LZTS1: variants seen among roughly 807,000 people sequenced by gnomAD.
The protein encoded by LZTS1 is leucine zipper tumor suppressor 1.
Under a neutral mutation model 45.8 loss-of-function variants are expected in LZTS1, and 31 were observed. That is an observed-to-expected ratio of 0.68 (90% CI 0.51 to 0.91). LZTS1 has a LOEUF of 0.91. Among genes scored for constraint, LZTS1 ranks in the 40% least tolerant of loss-of-function variants. The pLI is 0.00. For synonymous variants in LZTS1, 359 were observed against 357.3 expected (o/e 1.00, Z -0.05); for missense variants, 821 against 788.9 (o/e 1.04, Z -0.49).
chr8:20,253,105 C>T lies in LZTS1; in HGVS notation c.826G>A (p.Ala276Thr), dbSNP rs150380039. The part of the protein sequence containing the change: ...LEQKLLEREG[A>T]LQKLQRSFEE... ...AAGCTGCGCTGCAGCTTCTGGAGGG[C>T]GCCCTCCCTCTCCAACAGCTTCTGC... The change falls in exon 3 of 4, where the codon GCC becomes ACC. Residue 276 changes from alanine to threonine, a missense_variant. Ala to Thr is a moderately conservative substitution (Grantham distance 58, BLOSUM62 0). Transcript: ENST00000381569. The T allele has an allele frequency of 2.5e-5, 40 of 1,610,654 alleles. No homozygotes were observed. The highest frequency in any genetic ancestry group is 8.0e-5 in the African/African-American group (6 of 74,910).
rs1461904736 is a variant in LZTS1 at position 20,251,124 on chromosome 8, TATATATATATATATATATATATATAA to T, written c.1150-787_1150-762del. On this transcript the variant is annotated intron_variant, in intron 3 of 3. Coordinates refer to ENST00000381569, the MANE Select transcript of LZTS1 (RefSeq NM_021020.5). ...ATATATATATATATATATATATATA[TATATATATATATATATATATATATAA>T]AATATAAAGTATAAGAGTAGAGATT... 1.4e-3 allele frequency among the ~76,000 whole-genome samples: 43 copies of T among 29,988 alleles called. 2 individuals are homozygous for T. Among genetic ancestry groups the T allele is most frequent in the South Asian group, 7.9e-3 (7 of 884 alleles). 19.7% of individuals were successfully genotyped at this position (29,988 alleles called of 152,430 possible).
chr8:20,281,988 C>G (rs1800701886), intron 1 of LZTS1, among the ~76,000 whole-genome samples: 1 of 152,148 alleles, frequency 6.6e-6, no homozygotes, highest in Non-Finnish European at 1.5e-5. Context: ...CTGGCCACCC[C>G]CTGACCTTCA....
chr8:20,291,971 T>C (rs1472499870), intron 1 of LZTS1, among the ~76,000 whole-genome samples: 1 of 152,118 alleles, frequency 6.6e-6, no homozygotes, highest in African/African-American at 2.4e-5. Flanking sequence ...CAGGTGAGGG[T>C]GAGTTCCTCT....
intron 1 of LZTS1, among the ~76,000 whole-genome samples, chr8:20,267,454 C>A (rs955598576): frequency 3.9e-5 from 6 of 152,172 alleles, no homozygotes; most frequent in Non-Finnish European, 5.9e-5. Context: ...ATGTGGCCAG[C>A]ACAGTTGTAG....
At chr8:20,269,433 C>A (rs1464975236) in intron 1 of LZTS1, among the ~76,000 whole-genome samples, 2 of 152,194 alleles carry the variant, frequency 1.3e-5, no homozygotes, top group Non-Finnish European at 2.9e-5. Flanking sequence ...CCCCTGCCTG[C>A]CAGATTTTTA....
At chr8:20,274,577 C>G (rs1012794711) in intron 1 of LZTS1, among the ~76,000 whole-genome samples, 1 of 152,160 alleles carries the variant, frequency 6.6e-6, no homozygotes, top group Non-Finnish European at 1.5e-5. Context: ...TTAGACCCCC[C>G]TTATGTGGAG....
At chr8:20,301,076 G>A (rs1356199175) in intron 1 of LZTS1, among the ~76,000 whole-genome samples, 5 of 141,552 alleles carry the variant, frequency 3.5e-5, no homozygotes, top group Middle Eastern at 8.3e-3. Context: ...AGCCAAGATC[G>A]CACCACTGCA....
rs1432874187 is a variant in LZTS1 at position 20,287,327 on chromosome 8, A to C, written c.-135+16413T>G. Reference sequence around the variant, plus strand: ...CCTCACTGGAGCTTCGTGCCCTGGAAGGCAGGGACTCTAAACTCCCACATC... The same window carrying C: ...CCTCACTGGAGCTTCGTGCCCTGGACGGCAGGGACTCTAAACTCCCACATC... On this transcript the variant is annotated intron_variant, in intron 1 of 3. Coordinates refer to ENST00000381569, the MANE Select transcript of LZTS1 (RefSeq NM_021020.5). Among the ~76,000 whole-genome samples, 4 of 152,264 alleles carry C rather than the reference A, an allele frequency of 2.6e-5. No individual in the cohort carries two copies. In the East Asian group the frequency reaches 7.7e-4, roughly 29 times the overall value.
rs116014594 is a variant in LZTS1 at position 20,262,916 on chromosome 8, C to T, written c.-134-7601G>A. On this transcript the variant is annotated intron_variant, in intron 1 of 3. Coordinates refer to ENST00000381569, the MANE Select transcript of LZTS1 (RefSeq NM_021020.5). ...AGTTGAGTCACTGATTCAGTGTGACCGTGGACATGCTACGTAACCTCTCTA... is the reference window on the plus strand; with the variant it reads ...AGTTGAGTCACTGATTCAGTGTGACTGTGGACATGCTACGTAACCTCTCTA... Among the ~76,000 whole-genome samples, 1,488 of 152,202 alleles carry T rather than the reference C, an allele frequency of 9.8e-3. 23 individuals carry two copies. The highest frequency in any genetic ancestry group is 0.034 in the African/African-American group (1,418 of 41,512).
At chr8:20,303,477 A>T (rs1801116980) in intron 1 of LZTS1, among the ~76,000 whole-genome samples, 1 of 152,164 alleles carries the variant, frequency 6.6e-6, no homozygotes. Flanking sequence ...TCTGCAGGAG[A>T]CACGAAGACA....
chr8:20,301,004 C>T (rs1801065956), intron 1 of LZTS1, among the ~76,000 whole-genome samples: 1 of 151,806 alleles, frequency 6.6e-6, no homozygotes, highest in African/African-American at 2.4e-5. Flanking sequence ...GCCTATAGTC[C>T]CAGCTACTTG....
At chr8:20,261,757 G>C (rs1288020797) in intron 1 of LZTS1, among the ~76,000 whole-genome samples, 1 of 152,240 alleles carries the variant, frequency 6.6e-6, no homozygotes, top group African/African-American at 2.4e-5. Context: ...GCTATGCCTT[G>C]GCCCACGCCA....
At chr8:20,251,496 C>T (rs1256434373) in intron 3 of LZTS1, among the ~76,000 whole-genome samples, 3 of 152,188 alleles carry the variant, frequency 2.0e-5, no homozygotes, top group African/African-American at 7.2e-5. Context: ...GAGCCACATG[C>T]TCTGGACTTC....
rs185285044 is a variant in LZTS1 at position 20,256,000 on chromosome 8, C to T, written c.-134-685G>A. On this transcript the variant is annotated intron_variant, in intron 1 of 3. Coordinates refer to ENST00000381569, the MANE Select transcript of LZTS1 (RefSeq NM_021020.5). The stretch of plus-strand genomic sequence containing the variant: ...TGAGGTGGGAGAATCGTCTGAGCCC[C>T]GGGGATCAAGGCTGCAGTGAGCCAC... Among the ~76,000 whole-genome samples, 1,064 of 135,034 alleles carry T rather than the reference C, an allele frequency of 7.9e-3. 12 individuals carry two copies. The highest frequency in any genetic ancestry group is 0.031 in the Middle Eastern group (7 of 228). The allele number at this position is 135,034 out of a possible 152,430, so 88.6% of individuals were successfully genotyped here. A position where few individuals can be genotyped will look rare whatever the true frequency, so the allele number is the denominator to read the frequency against.
Position 20,255,315 on chromosome 8 carries a change from C to T in LZTS1, c.-134G>A, listed in dbSNP as rs769698394. 1.4e-5 allele frequency: 20 copies of T among 1,440,642 alleles called. No individual in the cohort carries two copies. The highest frequency in any genetic ancestry group is 5.1e-4 in the Middle Eastern group (2 of 3,948). 89.2% of individuals were successfully genotyped at this position (1,440,642 alleles called of 1,614,324 possible). A position where few individuals can be genotyped will look rare whatever the true frequency, so the allele number is the denominator to read the frequency against. On this transcript the variant is annotated splice_region_variant and 5_prime_UTR_variant, in exon 2 of 4. Coordinates refer to ENST00000381569, the MANE Select transcript of LZTS1 (RefSeq NM_021020.5). ...TCACAGAGCCTGCGAGAGCCGTAGACCTGGAAGAAGACACAAGACAGAAGT... is the reference window on the plus strand; with the variant it reads ...TCACAGAGCCTGCGAGAGCCGTAGATCTGGAAGAAGACACAAGACAGAAGT...
intron 1 of LZTS1, among the ~76,000 whole-genome samples, chr8:20,298,675 C>A (rs1801018233): frequency 1.3e-5 from 2 of 152,102 alleles, no homozygotes; most frequent in Non-Finnish European, 2.9e-5. Context: ...CCAGCCTGAG[C>A]AACATAGCGA....
intron 1 of LZTS1, among the ~76,000 whole-genome samples, chr8:20,295,393 C>G (rs1800963694): frequency 6.6e-6 from 1 of 152,176 alleles, no homozygotes; most frequent in African/African-American, 2.4e-5. Flanking sequence ...CCTGTAGATT[C>G]CCTTGTGATT....
chr8:20,254,362 T>C (rs1369539167), intron 2 of LZTS1, among the ~76,000 whole-genome samples: 1 of 152,118 alleles, frequency 6.6e-6, no homozygotes, highest in Non-Finnish European at 1.5e-5. Flanking sequence ...AGGCGCAGCT[T>C]GAACAAGGAG....
rs1799984869 is a variant in LZTS1, at chr8:20,253,099, G to C, written c.832C>G (p.Gln278Glu). The change falls in exon 3 of 4, where the codon CAG becomes GAG. Residue 278 changes from glutamine (Q) to glutamate (E), a missense_variant. Gln to Glu is a conservative substitution (Grantham distance 29). Transcript: ENST00000381569. Reference sequence around the variant, plus strand: ...TCCTCAAAGCTGCGCTGCAGCTTCTGGAGGGCGCCCTCCCTCTCCAACAGC... The same window carrying C: ...TCCTCAAAGCTGCGCTGCAGCTTCTCGAGGGCGCCCTCCCTCTCCAACAGC... The part of the protein sequence containing the change: ...QKLLEREGAL[Q>E]KLQRSFEEKE... The C allele has an allele frequency of 1.2e-5, 20 of 1,610,652 alleles. No homozygotes were observed. The highest frequency in any genetic ancestry group is 1.7e-5 in the Non-Finnish European group (20 of 1,178,848).
Sources: gnomAD v4.1 joint callset for allele counts (sites outside exome capture counted in the v4.1 genomes callset) on GRCh38, gnomAD v4.1.1 for gene constraint, MANE v1.5 for transcripts, NCBI Gene and HGNC (gene_info 2026-07-23, HGNC 2026-07-21) for gene names.